Variants in VPS8 observed in about 807,000 individuals in gnomAD.
VPS8 encodes VPS8 subunit of CORVET complex, also known as vacuolar protein sorting-associated protein 8 homolog.
VPS8 carries 129 observed loss-of-function variants against 216.4 expected under a neutral mutation model. The observed-to-expected ratio is 0.60, with a 90% CI of 0.52 to 0.69. The LOEUF (loss-of-function observed/expected upper bound fraction) is 0.69, where lower values mean the gene tolerates loss of function less well. Ranked by LOEUF, VPS8 falls within the 30% of genes least tolerant of loss-of-function variation. The pLI is 0.00. For synonymous variants in VPS8, 571 were observed against 565.4 expected (o/e 1.01, Z -0.14); for missense variants, 1,531 against 1,683.5 (o/e 0.91, Z 1.59).
intron 42 of VPS8, among the ~76,000 whole-genome samples, chr3:184,984,561 C>T (rs1454570634): frequency 1.3e-5 from 2 of 151,854 alleles, no homozygotes; most frequent in African/African-American, 2.4e-5. Flanking sequence ...CCAAAGTGCT[C>T]GGATTACAGG....
intron 46 of VPS8, among the ~76,000 whole-genome samples, chr3:185,026,877 T>G (rs1757443973): frequency 6.6e-6 from 1 of 151,564 alleles, no homozygotes; most frequent in African/African-American, 2.4e-5. Context: ...CCTGGCTAAT[T>G]TTTTTGTATT....
At position 184,855,785 on chromosome 3, in the gene VPS8, C is replaced by A; in HGVS notation, c.1110C>A (p.Ala370=). Residue 370 remains alanine, a synonymous_variant, in exon 14 of 48, where the codon GCC becomes GCA. Transcript: ENST00000625842. ...AVQNYVNPML[A]FCRGDVVHFL... ...AAAATTACGTGAATCCCATGCTTGC[C>A]TTCTGCAGAGGAGATGTTGTTCATT... is the stretch of plus-strand genomic sequence containing the variant. 1 of 1,613,660 alleles carries A rather than the reference C, an allele frequency of 6.2e-7. No individual in the cohort carries two copies. Among genetic ancestry groups the A allele is most frequent in the Non-Finnish European group, 8.5e-7 (1 of 1,179,776 alleles).
At chr3:184,924,111 G>A (rs1739138859) in intron 29 of VPS8, among the ~76,000 whole-genome samples, 1 of 152,204 alleles carries the variant, frequency 6.6e-6, no homozygotes, top group South Asian at 2.1e-4. Flanking sequence ...ATAACTGTGT[G>A]TGTTGTTAAA....
chr3:184,918,254 T>C (rs1394384803), intron 28 of VPS8, among the ~76,000 whole-genome samples: 1 of 152,144 alleles, frequency 6.6e-6, no homozygotes, highest in African/African-American at 2.4e-5. Context: ...TGTTGACCCG[T>C]GGATTAGGAG....
intron 29 of VPS8, among the ~76,000 whole-genome samples, chr3:184,922,043 C>T (rs1202425532): frequency 6.6e-6 from 1 of 152,160 alleles, no homozygotes; most frequent in Non-Finnish European, 1.5e-5. Flanking sequence ...CCCCACACAC[C>T]TTGTATTAGG....
At chr3:184,946,380 G>A (rs886207849) in intron 36 of VPS8, among the ~76,000 whole-genome samples, 6 of 152,204 alleles carry the variant, frequency 3.9e-5, no homozygotes, top group African/African-American at 1.4e-4. Flanking sequence ...CTGCGCCCAG[G>A]AATGAGCGAG....
intron 37 of VPS8, 91 bp from the exon 38 acceptor site, chr3:184,964,377 T>G (rs1680583640): frequency 2.9e-6 from 2 of 682,494 alleles, no homozygotes; most frequent in Non-Finnish European, 4.4e-6. Flanking sequence ...AATTCATTAT[T>G]TATCATATGA....
chr3:184,926,452 G>A, intron 30 of VPS8, 142 bp from the exon 31 acceptor site: 1 of 696,036 alleles, frequency 1.4e-6, no homozygotes, highest in Non-Finnish European at 2.4e-6. Context: ...TAATCAGTTG[G>A]GAAGGTAGCC....
At chr3:184,929,429 G>C in intron 32 of VPS8, 151 bp from the exon 33 acceptor site, 2 of 571,684 alleles carry the variant, frequency 3.5e-6, no homozygotes, top group Admixed American at 7.5e-5. Context: ...GTCTCAAGCA[G>C]TCCTCTTGCC....
At chr3:184,840,629 A>C (rs1029558363) in intron 7 of VPS8, 2 of 152,086 alleles carry the variant, frequency 1.3e-5, no homozygotes, top group Non-Finnish European at 2.9e-5. Context: ...GGAGAATCGC[A>C]TGAACCCAGG....
intron 23 of VPS8, among the ~76,000 whole-genome samples, chr3:184,896,078 G>C (rs144350294): frequency 6.6e-6 from 1 of 152,236 alleles, no homozygotes; most frequent in East Asian, 1.9e-4. Flanking sequence ...AAATCACATA[G>C]AAATTAAGGG....
At chr3:184,914,126 A>G (rs1737074644) in intron 26 of VPS8, among the ~76,000 whole-genome samples, 1 of 152,208 alleles carries the variant, frequency 6.6e-6, no homozygotes, top group South Asian at 2.1e-4. Flanking sequence ...GTAGATGACT[A>G]TTTGTCAGGA....
At chr3:184,969,997 C>T (rs997921895) in intron 39 of VPS8, among the ~76,000 whole-genome samples, 5 of 146,894 alleles carry the variant, frequency 3.4e-5, no homozygotes, top group Non-Finnish European at 5.9e-5. Flanking sequence ...GCAACCTCTG[C>T]CTCCCAGGTT....
intron 7 of VPS8, among the ~76,000 whole-genome samples, chr3:184,842,355 GTT>G (rs748678041): frequency 9.2e-5 from 13 of 141,560 alleles, no homozygotes; most frequent in Middle Eastern, 3.6e-3. Flanking sequence ...CTGGTTCCTG[GTT>G]TTTTTTTTTT....
At chr3:184,933,150 T>G (rs1740982313) in intron 34 of VPS8, among the ~76,000 whole-genome samples, 1 of 152,214 alleles carries the variant, frequency 6.6e-6, no homozygotes, top group African/African-American at 2.4e-5. Context: ...ATATAATTCC[T>G]AGTTAGTTGA....
Position 184,834,749 on chromosome 3 carries a change from A to G in VPS8, c.447+7A>G. Reference sequence around the variant, plus strand: ...CCAGATAGTGTCTGCAGCTGTAAGTATTTTGTTCTTTTCCCTCAACTTTGT... The same window carrying G: ...CCAGATAGTGTCTGCAGCTGTAAGTGTTTTGTTCTTTTCCCTCAACTTTGT... On this transcript the variant is annotated splice_region_variant and intron_variant, in intron 5 of 47. Coordinates refer to ENST00000625842, the MANE Select transcript of VPS8 (RefSeq NM_001009921.3). 4 of 1,553,254 alleles carry G rather than the reference A, an allele frequency of 2.6e-6. No individual in the cohort carries two copies. Among genetic ancestry groups the G allele is most frequent in the Non-Finnish European group, 3.5e-6 (4 of 1,147,432 alleles).
intron 25 of VPS8, among the ~76,000 whole-genome samples, chr3:184,903,549 T>C (rs1368583741): frequency 6.6e-6 from 1 of 152,152 alleles, no homozygotes; most frequent in Non-Finnish European, 1.5e-5. Context: ...ACTTATGGGA[T>C]CAAGTGATCC....
At chr3:185,010,002 A>AAAAGGTG (rs935297098) in intron 45 of VPS8, among the ~76,000 whole-genome samples, 5 of 151,780 alleles carry the variant, frequency 3.3e-5, no homozygotes, top group Admixed American at 6.5e-5. Context: ...AAAAAAAAAA[A>AAAAGGTG]AAAAGGTGCC....
In VPS8 at chr3:184,870,819, G is replaced by A; in HGVS notation, c.1734+14G>A. ...CAGCATTTTCAGGTACACATTGCAT[G>A]TGCTTCCAGTAGACGATGCTCTGGA... On this transcript the variant is annotated intron_variant, in intron 21 of 47. Coordinates refer to ENST00000625842, the MANE Select transcript of VPS8 (RefSeq NM_001009921.3). 6.2e-7 allele frequency: 1 copy of A among 1,600,778 alleles called. No homozygotes were observed. Among genetic ancestry groups the A allele is most frequent in the Non-Finnish European group, 8.5e-7 (1 of 1,171,118 alleles).
Sources: allele counts gnomAD v4.1 joint callset (sites outside exome capture counted in the v4.1 genomes callset), GRCh38; gene constraint gnomAD v4.1.1; transcripts MANE v1.5; gene names NCBI Gene and HGNC (gene_info 2026-07-23, HGNC 2026-07-21).